Variants in LY6K observed in about 807,000 individuals in gnomAD.
LY6K encodes the protein lymphocyte antigen 6 family member K, also known as lymphocyte antigen 6K.
Under a neutral mutation model 10.4 loss-of-function variants are expected in LY6K, and 9 were observed. The ratio of observed to expected loss-of-function variants is 0.87; its 90% CI spans 0.52 to 1.52. The LOEUF is 1.52. Among genes scored for constraint, LY6K ranks in the 40% most tolerant of loss-of-function variants. LY6K has a pLI of 0.00. For missense variants in LY6K, 217 were observed against 211.7 expected (o/e 1.02, Z -0.15); for synonymous variants, 98 against 83.7 (o/e 1.17, Z -0.94).
chr8:142,702,740 T>A, intron 2 of LY6K: 1 of 1,487,536 alleles, frequency 6.7e-7, no homozygotes, highest in Admixed American at 2.1e-5. Context: ...CTCCACACCC[T>A]GGGTGATGGC....
Position 142,701,707 on chromosome 8 carries a change from GC to G in LY6K, c.213del (p.Val72Ter). 3 of 1,609,912 alleles carry G rather than the reference GC, an allele frequency of 1.9e-6. No homozygotes were observed. The highest frequency in any genetic ancestry group is 2.5e-6 in the Non-Finnish European group (3 of 1,176,496). ...KWTEPYCVIA[A>X]VKIFPRFFMV... The stretch of plus-strand genomic sequence containing the variant: ...GACAGAGCCATACTGCGTTATAGCG[GC>G]CGTGAGTGAGTATCTTCGCTCTTGT... On this transcript the variant is annotated frameshift_variant, in exon 2 of 3. Transcript: ENST00000292430. LOFTEE classifies it low-confidence loss of function (END_TRUNC).
In LY6K at chr8:142,700,733, GAGCGTTCAGGCGGCCCGTGGCGCCTGGA is replaced by G. The variant is rs1318509427; in HGVS notation, c.103+107_103+134del. The G allele has an allele frequency of 3.8e-3, 4,706 of 1,222,572 alleles. 12 individuals are homozygous for G. The highest frequency in any genetic ancestry group is 3.8e-3 in the Non-Finnish European group (3,595 of 940,864). 75.7% of individuals were successfully genotyped at this position (1,222,572 alleles called of 1,614,324 possible). A position where few individuals can be genotyped will look rare whatever the true frequency, so the allele number is the denominator to read the frequency against. The stretch of plus-strand genomic sequence containing the variant: ...CCGCCCCGACCAGGCCGTGAGAACG[GAGCGTTCAGGCGGCCCGTGGCGCCTGGA>G]AGCCTCTGGGGAGCCTCGCCTCGTG... On this transcript the variant is annotated intron_variant, in intron 1 of 2. Transcript: ENST00000292430.
rs1350420827 is a variant in LY6K at position 142,700,449 on chromosome 8, C to G, written c.-79C>G. ...CCTACCGGCCAGACCCGGGGAGAGG[C>G]GCGCGGAGGCTGCGAAGGTTCCAGA... On this transcript the variant is annotated 5_prime_UTR_variant, in exon 1 of 3. Coordinates refer to ENST00000292430, the MANE Select transcript of LY6K (RefSeq NM_017527.4). 6.8e-7 allele frequency: 1 copy of G among 1,481,076 alleles called. No homozygotes were observed. The highest frequency in any genetic ancestry group is 2.8e-5 in the East Asian group (1 of 35,270). 91.7% of individuals were successfully genotyped at this position (1,481,076 alleles called of 1,614,324 possible). A position where few individuals can be genotyped will look rare whatever the true frequency, so the allele number is the denominator to read the frequency against.
At position 142,704,905 on chromosome 8, in the gene LY6K, C is replaced by G. The variant is rs1210309209; in HGVS notation, c.*1534C>G. 1 of 152,210 alleles carries G rather than the reference C, an allele frequency of 6.6e-6. No homozygotes were observed. The highest frequency in any genetic ancestry group is 1.5e-5 in the Non-Finnish European group (1 of 68,036). The allele number at this position is 152,210 out of a possible 1,614,324, so 9.4% of individuals were successfully genotyped here. ...AAAGTTTTGGCACCCACCGAGTGGACAGTTTACTCAACTTTAATTTCAGTC... is the reference window on the plus strand; with the variant it reads ...AAAGTTTTGGCACCCACCGAGTGGAGAGTTTACTCAACTTTAATTTCAGTC... On this transcript the variant is annotated 3_prime_UTR_variant, in exon 3 of 3. Coordinates refer to ENST00000292430, the MANE Select transcript of LY6K (RefSeq NM_017527.4).
At chr8:142,702,296 C>T (rs1563812526) in intron 2 of LY6K, 3 of 573,360 alleles carry the variant, frequency 5.2e-6, no homozygotes, top group Admixed American at 3.0e-5. Context: ...GTTAAATGCG[C>T]CACAGAGAAC....
intron 1 of LY6K, 71 bp from the exon 2 acceptor site, chr8:142,701,529 T>C: frequency 9.8e-7 from 1 of 1,020,860 alleles, no homozygotes; most frequent in Non-Finnish European, 1.5e-6. Context: ...GCTGGTCGGA[T>C]GCCGGCTGTG....
intron 1 of LY6K, among the ~76,000 whole-genome samples, chr8:142,700,963 G>A (rs1814998184): frequency 6.6e-6 from 1 of 151,666 alleles, no homozygotes; most frequent in South Asian, 2.1e-4. Context: ...TCCTCCTGCA[G>A]AGCTAGGCCA....
At chr8:142,700,778 C>T (rs1184893348) in intron 1 of LY6K, 148 bp downstream of exon 1, 19 of 822,564 alleles carry the variant, frequency 2.3e-5, no homozygotes, top group African/African-American at 2.2e-4. Flanking sequence ...TGGGGAGCCT[C>T]GCCTCGTGCG....
intron 1 of LY6K, 93 bp downstream of exon 1, chr8:142,700,723 C>A (rs1243258496): frequency 4.7e-6 from 6 of 1,268,988 alleles, no homozygotes; most frequent in Admixed American, 4.1e-5. Context: ...CCGACCAGGC[C>A]GTGAGAACGG....
chr8:142,701,794 C>A, intron 2 of LY6K, 81 bp downstream of exon 2: 2 of 848,304 alleles, frequency 2.4e-6, no homozygotes, highest in Non-Finnish European at 3.9e-6. Context: ...TAGTTTTCCT[C>A]AATGGGGAAT....
chr8:142,702,028 G>C (rs782525959), intron 2 of LY6K: 2 of 297,324 alleles, frequency 6.7e-6, no homozygotes, highest in African/African-American at 2.2e-5. Flanking sequence ...GGCTGGTCTC[G>C]AACTCCTGAC....
intron 2 of LY6K, chr8:142,702,860 A>G: frequency 6.5e-7 from 1 of 1,540,050 alleles, no homozygotes. Flanking sequence ...CTAGACCCGC[A>G]TTCCCAGTGC....
chr8:142,700,678 G>C (rs1375785521), intron 1 of LY6K, 48 bp downstream of exon 1: 1 of 1,398,356 alleles, frequency 7.2e-7, no homozygotes, highest in Non-Finnish European at 9.4e-7. Flanking sequence ...GGACAGGGCC[G>C]GGCGGCGTCT....
In LY6K at chr8:142,703,663, C is replaced by T. The variant is rs1815130974; in HGVS notation, c.*292C>T. ...CTGATGGCCACTCTTTTCCTTGACT[C>T]CCCTCTGCCTCTGAGGGCTTCAGTA... On this transcript the variant is annotated 3_prime_UTR_variant, in exon 3 of 3. Transcript: ENST00000292430. The T allele has an allele frequency of 2.2e-5, 9 of 402,270 alleles. No individual in the cohort carries two copies. The highest frequency in any genetic ancestry group is 1.3e-3 in the Middle Eastern group (2 of 1,500). 24.9% of individuals were successfully genotyped at this position (402,270 alleles called of 1,614,324 possible).
intron 2 of LY6K, chr8:142,702,099 G>A (rs1256336948): frequency 6.9e-5 from 17 of 246,050 alleles, no homozygotes; most frequent in African/African-American, 1.2e-4. Flanking sequence ...GTAAGCCACC[G>A]CGCCCTGCCT....
At position 142,701,649 on chromosome 8, in the gene LY6K, T is replaced by A; in HGVS notation, c.153T>A (p.Thr51=). 6.2e-7 allele frequency: 1 copy of A among 1,614,050 alleles called. No homozygotes were observed. The highest frequency in any genetic ancestry group is 8.5e-7 in the Non-Finnish European group (1 of 1,179,954). Reference sequence around the variant, plus strand: ...GTCATGTTTGTGAGAGAGAAAACACTTTCGAGTGCCAGAACCCAAGGAGGT... The same window carrying A: ...GTCATGTTTGTGAGAGAGAAAACACATTCGAGTGCCAGAACCCAAGGAGGT... ...VWCHVCEREN[T]FECQNPRRCK... is the part of the protein sequence containing the mutation. Residue 51 remains threonine, a synonymous_variant, in exon 2 of 3, where the codon ACT becomes ACA. Coordinates refer to ENST00000292430, the MANE Select transcript of LY6K (RefSeq NM_017527.4).
At position 142,704,085 on chromosome 8, in the gene LY6K, T is replaced by C. The variant is rs1815140601; in HGVS notation, c.*714T>C. ...AATGGCGTTCATTTCTCTGTTAAGA[T>C]GCAGCCATCCATGGGGAGCTGAGAA... On this transcript the variant is annotated 3_prime_UTR_variant, in exon 3 of 3. Coordinates refer to ENST00000292430, the MANE Select transcript of LY6K (RefSeq NM_017527.4). 1.3e-5 allele frequency: 2 copies of C among 152,186 alleles called. No individual in the cohort carries two copies. Among genetic ancestry groups the C allele is most frequent in the Non-Finnish European group, 1.5e-5 (1 of 68,030 alleles). The allele number at this position is 152,186 out of a possible 1,614,324, so 9.4% of individuals were successfully genotyped here.
Position 142,703,640 on chromosome 8 carries a change from G to C in LY6K, c.*269G>C. On this transcript the variant is annotated 3_prime_UTR_variant, in exon 3 of 3. Coordinates refer to ENST00000292430, the MANE Select transcript of LY6K (RefSeq NM_017527.4). ...CAAACCTTGTAACTCATTTATTGCT[G>C]ATGGCCACTCTTTTCCTTGACTCCC... is the stretch of plus-strand genomic sequence containing the variant. 4.3e-6 allele frequency: 2 copies of C among 467,050 alleles called. No homozygotes were observed. The highest frequency in any genetic ancestry group is 6.1e-5 in the South Asian group (2 of 32,662). 28.9% of individuals were successfully genotyped at this position (467,050 alleles called of 1,614,324 possible). A position where few individuals can be genotyped will look rare whatever the true frequency, so the allele number is the denominator to read the frequency against.
chr8:142,700,462 C>T lies in LY6K; in HGVS notation c.-66C>T, dbSNP rs1554639912. The T allele has an allele frequency of 2.6e-6, 4 of 1,510,282 alleles. No individual in the cohort carries two copies. Among genetic ancestry groups the T allele is most frequent in the Non-Finnish European group, 2.7e-6 (3 of 1,130,958 alleles). 93.6% of individuals were successfully genotyped at this position (1,510,282 alleles called of 1,614,324 possible). On this transcript the variant is annotated 5_prime_UTR_variant, in exon 1 of 3. An upstream open reading frame in the 5' UTR gains an earlier in-frame stop. Coordinates refer to ENST00000292430, the MANE Select transcript of LY6K (RefSeq NM_017527.4). ...CCCGGGGAGAGGCGCGCGGAGGCTG[C>T]GAAGGTTCCAGAAGGGCGGGGAGGG...
Sources: gnomAD v4.1 joint callset for allele counts (sites outside exome capture counted in the v4.1 genomes callset) on GRCh38, gnomAD v4.1.1 for gene constraint, MANE v1.5 for transcripts, NCBI Gene and HGNC (gene_info 2026-07-23, HGNC 2026-07-21) for gene names.